Variants in TCP11L2 observed in about 807,000 individuals in gnomAD.
The protein encoded by TCP11L2 is T-complex protein 11-like protein 2.
In TCP11L2, 39 loss-of-function variants were observed where a neutral mutation model predicts 50.7. That is an observed-to-expected ratio of 0.77 (90% CI 0.60 to 1.01). The LOEUF is 1.01. Among genes scored for constraint, TCP11L2 ranks in the 50% least tolerant of loss-of-function variants. The probability of loss-of-function intolerance (pLI) is 0.00; values close to 1 mark genes in which losing one functional copy is unlikely to be tolerated. For missense variants in TCP11L2, 612 were observed against 614.7 expected (o/e 1.00, Z 0.05); for synonymous variants, 192 against 219.3 (o/e 0.88, Z 1.10).
At chr12:106,341,991 G>T (rs1262944613) in intron 9 of TCP11L2, among the ~76,000 whole-genome samples, 1 of 152,162 alleles carries the variant, frequency 6.6e-6, no homozygotes, top group African/African-American at 2.4e-5. Context: ...TGAGAGTAGG[G>T]AGGAGATGGT....
intron 4 of TCP11L2, 77 bp downstream of exon 4, chr12:106,318,541 T>C (rs902185281): frequency 1.3e-6 from 2 of 1,570,396 alleles, no homozygotes; most frequent in Admixed American, 3.5e-5. Context: ...ATAGCCTGGG[T>C]GGCTTATAAA....
intron 3 of TCP11L2, among the ~76,000 whole-genome samples, chr12:106,315,940 T>C (rs568542723): frequency 6.6e-6 from 1 of 152,354 alleles, no homozygotes; most frequent in Non-Finnish European, 1.5e-5. Context: ...TTTGATCCCA[T>C]TCAGAACTTT....
chr12:106,308,050 T>C (rs2034703033), intron 1 of TCP11L2, among the ~76,000 whole-genome samples: 1 of 152,246 alleles, frequency 6.6e-6, no homozygotes, highest in African/African-American at 2.4e-5. Flanking sequence ...CCAGTTGTAA[T>C]GTGGAGGCTT....
At chr12:106,328,668 GTTATATTACCTGAGTTGTA>G (rs748133776) in intron 6 of TCP11L2, among the ~76,000 whole-genome samples, 1 of 152,174 alleles carries the variant, frequency 6.6e-6, no homozygotes, top group Non-Finnish European at 1.5e-5. Flanking sequence ...TCAGTTTTGT[GTTATATTACCTGAGTTGTA>G]TTGCAAGGAA....
chr12:106,302,416 T>TCAGCC (rs1488056954), upstream of TCP11L2, among the ~76,000 whole-genome samples: 1 of 115,920 alleles, frequency 8.6e-6, no homozygotes, highest in Non-Finnish European at 1.8e-5. Flanking sequence ...CAGCCCCCGC[T>TCAGCC]CCCCCACTCG....
chr12:106,330,980 A>G (rs1397943272), intron 6 of TCP11L2, among the ~76,000 whole-genome samples: 1 of 152,228 alleles, frequency 6.6e-6, no homozygotes, highest in East Asian at 1.9e-4. Flanking sequence ...CCTCATTTCC[A>G]GTGATACATA....
chr12:106,313,509 G>A (rs1447369162), intron 2 of TCP11L2, among the ~76,000 whole-genome samples: 36 of 151,840 alleles, frequency 2.4e-4, no homozygotes, highest in Non-Finnish European at 1.5e-5. Context: ...GACCCCAGGA[G>A]GTGGAGGTTG....
chr12:106,333,597 T>G (rs1186386641), intron 6 of TCP11L2, among the ~76,000 whole-genome samples: 3 of 152,156 alleles, frequency 2.0e-5, no homozygotes. Context: ...AACTGAACAC[T>G]TAAGAGCTGA....
chr12:106,299,039 C>T (rs758182641), upstream of TCP11L2, among the ~76,000 whole-genome samples: 7 of 152,166 alleles, frequency 4.6e-5, no homozygotes, highest in Non-Finnish European at 7.4e-5. Flanking sequence ...TGGTCTCGAA[C>T]TCATGACTTC....
In TCP11L2 at chr12:106,312,029, T is replaced by C. The variant is rs564702989; in HGVS notation, c.157+797T>C. Among the ~76,000 whole-genome samples the C allele has an allele frequency of 1.1e-4, 16 of 152,352 alleles. No individual in the cohort carries two copies. The East Asian group carries it at 1.2e-3, about 11-fold the overall frequency. On this transcript the variant is annotated intron_variant, in intron 2 of 9. Coordinates refer to ENST00000299045, the MANE Select transcript of TCP11L2 (RefSeq NM_152772.3). ...AGAATAGAGAAAAGAAAACATTGCC[T>C]ATGATATCACTCAAAGACGACAGCT... is the stretch of plus-strand genomic sequence containing the variant.
At chr12:106,329,449 G>T (rs574083796) in intron 6 of TCP11L2, 2 of 1,533,864 alleles carry the variant, frequency 1.3e-6, no homozygotes, top group Non-Finnish European at 1.7e-6. Context: ...AAGAGCCAAC[G>T]TTTCACTCTA....
chr12:106,331,499 C>T (rs982822510), intron 6 of TCP11L2, among the ~76,000 whole-genome samples: 5 of 152,176 alleles, frequency 3.3e-5, no homozygotes, highest in African/African-American at 4.8e-5. Context: ...CCTCTAGAGA[C>T]AATAATCCCC....
In TCP11L2 at chr12:106,325,890, C is replaced by CG. The variant is rs1489979717; in HGVS notation, c.772+2246dup. Reference sequence around the variant, plus strand: ...TGGGGGGCTGAGCAAGACTCCGTCTCGGAAAAAAAAAAAAAAAAAAAAACC... The same window carrying CG: ...TGGGGGGCTGAGCAAGACTCCGTCTCGGGAAAAAAAAAAAAAAAAAAAAACC... On this transcript the variant is annotated intron_variant, in intron 6 of 9. Coordinates refer to ENST00000299045, the MANE Select transcript of TCP11L2 (RefSeq NM_152772.3). The CG allele has an allele frequency of 1.8e-3, 101 of 56,064 alleles. 4 individuals are homozygous for CG. Among genetic ancestry groups the CG allele is most frequent in the South Asian group, 5.2e-3 (6 of 1,164 alleles). The allele number at this position is 56,064 out of a possible 1,614,324, so 3.5% of individuals were successfully genotyped here.
intron 6 of TCP11L2, among the ~76,000 whole-genome samples, chr12:106,333,968 G>A (rs537748104): frequency 2.0e-5 from 3 of 152,182 alleles, no homozygotes; most frequent in Non-Finnish European, 4.4e-5. Flanking sequence ...GCCTTATGGG[G>A]TATGGGCGGA....
chr12:106,343,012 T>A (rs1033141865), intron 9 of TCP11L2, among the ~76,000 whole-genome samples: 3 of 152,180 alleles, frequency 2.0e-5, no homozygotes, highest in African/African-American at 7.2e-5. Context: ...TTTTGCAAAT[T>A]GAAAGCATTT....
At chr12:106,309,630 C>T (rs921824159) in intron 1 of TCP11L2, among the ~76,000 whole-genome samples, 3 of 151,698 alleles carry the variant, frequency 2.0e-5, no homozygotes, top group African/African-American at 4.9e-5. Context: ...GCCCCTTCTC[C>T]CGCTCTGCTA....
At chr12:106,340,685 TTTATGAGTTCATTCTAATAGAGG>T in intron 8 of TCP11L2, 118 bp from the exon 9 acceptor site, 1 of 585,198 alleles carries the variant, frequency 1.7e-6, no homozygotes, top group Non-Finnish European at 2.7e-6. Context: ...GAGTTACTAT[TTTATGAGTTCATTCTAATAGAGG>T]TTATTATTGT....
upstream of TCP11L2, among the ~76,000 whole-genome samples, chr12:106,302,320 C>CCCCCCCCGCTCAG (rs2034439250): frequency 2.5e-5 from 1 of 40,074 alleles, no homozygotes; most frequent in Non-Finnish European, 5.6e-5. Context: ...AGCCCCCGCT[C>CCCCCCCCGCTCAG]CCCCCGCTCA....
chr12:106,336,083 C>T lies in TCP11L2; in HGVS notation c.1012C>T (p.Gln338Ter). ...RLQELTEKLN[Q>*]LKIIACLSLI... is the part of the protein sequence containing the mutation. ...TCAGGAACTAACAGAAAAGCTGAAT[C>T]AATTGAAAATTATTGCCTGCCTGTC... is the stretch of plus-strand genomic sequence containing the variant. Residue 338 changes from glutamine (Q) to a stop codon, truncating the protein, a stop_gained, in exon 8 of 10, where the codon CAA (glutamine) becomes TAA (stop). Coordinates refer to ENST00000299045, the MANE Select transcript of TCP11L2 (RefSeq NM_152772.3). LOFTEE classifies it high-confidence loss of function. 1 of 1,614,014 alleles carries T rather than the reference C, an allele frequency of 6.2e-7. No individual in the cohort carries two copies. Among genetic ancestry groups the T allele is most frequent in the Non-Finnish European group, 8.5e-7 (1 of 1,179,962 alleles).
Sources: allele counts gnomAD v4.1 joint callset (sites outside exome capture counted in the v4.1 genomes callset), GRCh38; gene constraint gnomAD v4.1.1; transcripts MANE v1.5; gene names NCBI Gene and HGNC (gene_info 2026-07-23, HGNC 2026-07-21).